Variants in SLC25A33 observed in about 807,000 individuals in gnomAD.
The protein encoded by SLC25A33 is solute carrier family 25 member 33.
Under a neutral mutation model 35.5 loss-of-function variants are expected in SLC25A33, and 15 were observed. The observed-to-expected ratio is 0.42, with a 90% CI of 0.28 to 0.65. SLC25A33 has a LOEUF of 0.65. Ranked by LOEUF, SLC25A33 falls within the 30% of genes least tolerant of loss-of-function variation. The probability of loss-of-function intolerance (pLI) is 0.20; values close to 1 mark genes in which losing one functional copy is unlikely to be tolerated. For missense variants in SLC25A33, 257 were observed against 398.5 expected (o/e 0.64, Z 3.02); for synonymous variants, 136 against 148.7 (o/e 0.91, Z 0.62).
At chr1:9,549,184 T>C (rs981808549) in intron 1 of SLC25A33, among the ~76,000 whole-genome samples, 4 of 152,028 alleles carry the variant, frequency 2.6e-5, no homozygotes, top group Non-Finnish European at 5.9e-5. Context: ...TTTGAGCCAA[T>C]CTTGTTAACT....
intron 2 of SLC25A33, among the ~76,000 whole-genome samples, chr1:9,564,736 A>AT (rs1463590671): frequency 3.6e-3 from 298 of 81,768 alleles, no homozygotes; most frequent in Admixed American, 5.5e-3. Flanking sequence ...AAAAAAAAAA[A>AT]AAAATATATA....
At chr1:9,567,664 G>T (rs1178244300) in intron 3 of SLC25A33, among the ~76,000 whole-genome samples, 1 of 152,158 alleles carries the variant, frequency 6.6e-6, no homozygotes, top group African/African-American at 2.4e-5. Flanking sequence ...CATTAGTATT[G>T]TATGAGAGCT....
chr1:9,561,162 C>G (rs1391816582), intron 2 of SLC25A33, among the ~76,000 whole-genome samples: 1 of 152,094 alleles, frequency 6.6e-6, no homozygotes, highest in East Asian at 1.9e-4. Context: ...CCAGGATGGA[C>G]TCCATCTCCT....
chr1:9,539,675 G>T lies in SLC25A33; in HGVS notation c.-17G>T. On this transcript the variant is annotated 5_prime_UTR_variant, in exon 1 of 7. Transcript: ENST00000302692. The stretch of plus-strand genomic sequence containing the variant: ...TCTCGCCACCGGGCGGCGACGGGCC[G>T]CGGAGCCGGCGCGGCCATGGCGACG... 7.4e-7 allele frequency: 1 copy of T among 1,356,830 alleles called. No individual in the cohort carries two copies. Among genetic ancestry groups the T allele is most frequent in the Non-Finnish European group, 9.5e-7 (1 of 1,058,032 alleles). The allele number at this position is 1,356,830 out of a possible 1,614,324, so 84.0% of individuals were successfully genotyped here.
At chr1:9,552,325 C>G (rs1643277517) in intron 1 of SLC25A33, among the ~76,000 whole-genome samples, 2 of 152,166 alleles carry the variant, frequency 1.3e-5, no homozygotes, top group Admixed American at 1.3e-4. Flanking sequence ...AAGCTATTCT[C>G]CTGCCTCAGC....
intron 4 of SLC25A33, among the ~76,000 whole-genome samples, chr1:9,571,891 T>G (rs2100404978): frequency 6.6e-6 from 1 of 152,324 alleles, no homozygotes; most frequent in African/African-American, 2.4e-5. Flanking sequence ...TTCACCTGCC[T>G]TAGCCTCCTA....
At chr1:9,569,933 CT>C (rs1469710597) in intron 3 of SLC25A33, among the ~76,000 whole-genome samples, 1 of 152,060 alleles carries the variant, frequency 6.6e-6, no homozygotes, top group African/African-American at 2.4e-5. Context: ...AAAATTAAAA[CT>C]TCCAATGTGT....
chr1:9,570,910 A>G (rs1643581191), intron 4 of SLC25A33, among the ~76,000 whole-genome samples: 1 of 151,932 alleles, frequency 6.6e-6, no homozygotes, highest in Non-Finnish European at 1.5e-5. Flanking sequence ...ACGAGGTTTC[A>G]CCACATTGCC....
intron 1 of SLC25A33, among the ~76,000 whole-genome samples, chr1:9,542,340 A>G (rs1471036788): frequency 3.3e-5 from 5 of 152,110 alleles, no homozygotes; most frequent in Admixed American, 3.3e-4. Flanking sequence ...TAGGTAGTTC[A>G]TTAGGGTGGC....
At chr1:9,540,289 G>T (rs1362445211) in intron 1 of SLC25A33, among the ~76,000 whole-genome samples, 1 of 152,186 alleles carries the variant, frequency 6.6e-6, no homozygotes, top group Admixed American at 6.5e-5. Flanking sequence ...GGCCACACGC[G>T]GGGTGGCTAA....
In SLC25A33 at chr1:9,582,210, G is replaced by A. The variant is rs112210591; in HGVS notation, c.764-89G>A. The A allele has an allele frequency of 1.3e-4, 190 of 1,447,874 alleles. 1 individual carries two copies. The highest frequency in any genetic ancestry group is 5.3e-4 in the African/African-American group (38 of 71,524). 89.7% of individuals were successfully genotyped at this position (1,447,874 alleles called of 1,614,324 possible). ...ATTACAGGTGTGAGCCACCGCACCC[G>A]GCCTAACCTTGACAGTTTTAAAGTT... On this transcript the variant is annotated intron_variant, in intron 6 of 6. Coordinates refer to ENST00000302692, the MANE Select transcript of SLC25A33 (RefSeq NM_032315.3). This position sits in a 1 kb window ranked among gnomAD's most constrained non-coding sequence, Gnocchi z 4.0.
rs541406300 is a variant in SLC25A33, at chr1:9,577,023, G to A, written c.483-2931G>A. ...GTCCCGCTACAGAAACAACATGCTG[G>A]ATGATTCCTAAGACCTATTGGTGAT... On this transcript the variant is annotated intron_variant, in intron 5 of 6. Transcript: ENST00000302692. The A allele has an allele frequency of 5.8e-5, 52 of 889,828 alleles. No individual in the cohort carries two copies. In the African/African-American group the frequency reaches 7.4e-4, roughly 13 times the overall value. The allele number at this position is 889,828 out of a possible 1,614,324, so 55.1% of individuals were successfully genotyped here. A position where few individuals can be genotyped will look rare whatever the true frequency, so the allele number is the denominator to read the frequency against.
intron 5 of SLC25A33, among the ~76,000 whole-genome samples, chr1:9,575,845 CAG>C (rs1643655658): frequency 6.6e-6 from 1 of 152,226 alleles, no homozygotes; most frequent in African/African-American, 2.4e-5. Flanking sequence ...CTGTTCCTCT[CAG>C]GGTAAATTCC....
chr1:9,552,643 T>C (rs1218422564), intron 1 of SLC25A33, among the ~76,000 whole-genome samples: 1 of 151,834 alleles, frequency 6.6e-6, no homozygotes, highest in Non-Finnish European at 1.5e-5. Flanking sequence ...GAAATACTTT[T>C]CTAGAGTATT....
At chr1:9,571,202 T>C (rs1643585761) in intron 4 of SLC25A33, among the ~76,000 whole-genome samples, 1 of 152,204 alleles carries the variant, frequency 6.6e-6, no homozygotes, top group African/African-American at 2.4e-5. Context: ...GAGGGAACCA[T>C]TCCACTTCCT....
chr1:9,576,718 ATTG>A, intron 5 of SLC25A33: 1 of 761,676 alleles, frequency 1.3e-6, no homozygotes, highest in Non-Finnish European at 2.3e-6. Flanking sequence ...CCCCACCGAC[ATTG>A]TTATCCAGGA....
In SLC25A33 at chr1:9,539,745, C is replaced by T. The variant is rs1355726833; in HGVS notation, c.54C>T (p.Gly18=). The part of the protein sequence containing the change: ...KENTLLHLFA[G]GCGGTVGAIF... ...ACACGCTGCTTCACCTCTTCGCCGG[C>T]GGGTGAGTTCCCGGGCCCAGCCGCG... Residue 18 remains glycine, a splice_region_variant and synonymous_variant, in exon 1 of 7, where the codon GGC becomes GGT. Coordinates refer to ENST00000302692, the MANE Select transcript of SLC25A33 (RefSeq NM_032315.3). 4 of 1,402,750 alleles carry T rather than the reference C, an allele frequency of 2.9e-6. No homozygotes were observed. The highest frequency in any genetic ancestry group is 1.5e-5 in the African/African-American group (1 of 66,464). 86.9% of individuals were successfully genotyped at this position (1,402,750 alleles called of 1,614,324 possible).
Position 9,554,448 on chromosome 1 carries a change from C to G in SLC25A33, c.236+643C>G, listed in dbSNP as rs141962278. On this transcript the variant is annotated intron_variant, in intron 2 of 6. Transcript: ENST00000302692. ...AATCTCAGCTCACCGCAACCTCTGC[C>G]TCCTGGATTCAAGCGATTCTCCTGC... 5.9e-3 allele frequency among the ~76,000 whole-genome samples: 901 copies of G among 152,342 alleles called. 23 individuals are homozygous for G. The highest frequency in any genetic ancestry group is 0.033 in the Admixed American group (511 of 15,298).
At chr1:9,550,231 TAAA>T (rs537669811) in intron 1 of SLC25A33, among the ~76,000 whole-genome samples, 1 of 133,574 alleles carries the variant, frequency 7.5e-6, no homozygotes, top group Non-Finnish European at 1.6e-5. Context: ...CTTCTCTCTT[TAAA>T]AAAAAAAAAA....
Sources: gnomAD v4.1 joint callset for allele counts (sites outside exome capture counted in the v4.1 genomes callset) on GRCh38, gnomAD v4.1.1 for gene constraint, Gnocchi (gnomAD v3.1) non-coding constraint, MANE v1.5 for transcripts, NCBI Gene and HGNC (gene_info 2026-07-23, HGNC 2026-07-21) for gene names.